The following TGM7 variants were observed in gnomAD, a reference collection of about 807,000 sequenced individuals.
The protein encoded by TGM7 is transglutaminase 7, also known as protein-glutamine gamma-glutamyltransferase Z.
A neutral mutation model predicts 79.5 loss-of-function variants in TGM7; 74 were observed. That is an observed-to-expected ratio of 0.93 (90% CI 0.77 to 1.13). TGM7 has a LOEUF of 1.13. TGM7 is among the 50% of genes most tolerant of loss of function. TGM7 has a pLI of 0.00. For missense variants in TGM7, 912 were observed against 905.9 expected (o/e 1.01, Z -0.09); for synonymous variants, 354 against 362.5 (o/e 0.98, Z 0.27).
Position 43,292,116 on chromosome 15 carries a change from TG to T in TGM7, c.440-20del. On this transcript the variant is annotated intron_variant, in intron 3 of 12. Coordinates refer to ENST00000452443, the MANE Select transcript of TGM7 (RefSeq NM_052955.3). ...TCGTCCTCTGAGCAGTTAAGAGTAGTGGAGGGGGCAAAACCCCAAACCAAAA... is the reference window on the plus strand; with the variant it reads ...TCGTCCTCTGAGCAGTTAAGAGTAGTGAGGGGGCAAAACCCCAAACCAAAA... 6.3e-7 allele frequency: 1 copy of T among 1,579,800 alleles called. No homozygotes were observed.
intron 11 of TGM7, 42 bp downstream of exon 11, chr15:43,279,075 A>T: frequency 1.3e-6 from 2 of 1,580,822 alleles, no homozygotes; most frequent in Non-Finnish European, 8.6e-7. Context: ...GGATTGGGTG[A>T]GTCAGAGAGC....
intron 12 of TGM7, 42 bp downstream of exon 12, chr15:43,276,820 C>G: frequency 6.2e-7 from 1 of 1,604,698 alleles, no homozygotes. Context: ...GCACCCCTTT[C>G]CTGAGACCAG....
chr15:43,291,103 A>G (rs1318760108), intron 4 of TGM7, among the ~76,000 whole-genome samples: 1 of 152,166 alleles, frequency 6.6e-6, no homozygotes. Context: ...ACACTATGTT[A>G]AATAGGAGTG....
At chr15:43,278,258 T>C (rs1411962167) in intron 11 of TGM7, among the ~76,000 whole-genome samples, 3 of 152,112 alleles carry the variant, frequency 2.0e-5, no homozygotes, top group African/African-American at 7.2e-5. Flanking sequence ...GAGGGGCAGG[T>C]GAGAAAACGA....
At chr15:43,296,374 G>A (rs1019775334) in intron 1 of TGM7, among the ~76,000 whole-genome samples, 7 of 144,952 alleles carry the variant, frequency 4.8e-5, no homozygotes, top group Middle Eastern at 3.8e-3. Flanking sequence ...GCAGTGAGCC[G>A]AGGTCACACC....
At position 43,279,412 on chromosome 15, in the gene TGM7, C is replaced by T. The variant is rs1298639989; in HGVS notation, c.1679-135G>A. The T allele has an allele frequency of 2.7e-5, 31 of 1,165,944 alleles. No individual in the cohort carries two copies. In the South Asian group the frequency reaches 4.6e-4, roughly 17 times the overall value. 72.2% of individuals were successfully genotyped at this position (1,165,944 alleles called of 1,614,324 possible). A position where few individuals can be genotyped will look rare whatever the true frequency, so the allele number is the denominator to read the frequency against. On this transcript the variant is annotated intron_variant, in intron 10 of 12. Coordinates refer to ENST00000452443, the MANE Select transcript of TGM7 (RefSeq NM_052955.3). The stretch of plus-strand genomic sequence containing the variant: ...TGTGTGAGAGACAGACAGACAGCGT[C>T]CCACCACGCACACACTGTCCCCAGG...
Position 43,276,629 on chromosome 15 carries a change from C to G in TGM7, c.1974-15G>C. On this transcript the variant is annotated splice_polypyrimidine_tract_variant and intron_variant, in intron 12 of 12. Transcript: ENST00000452443. Reference sequence around the variant, plus strand: ...GAGTCCCAAGGCTGAAAGTCAGAAACAGCCTGTGAGAGCCTCGAGGACTTC... The same window carrying G: ...GAGTCCCAAGGCTGAAAGTCAGAAAGAGCCTGTGAGAGCCTCGAGGACTTC... The G allele has an allele frequency of 6.2e-7, 1 of 1,609,844 alleles. No homozygotes were observed.
intron 1 of TGM7, among the ~76,000 whole-genome samples, chr15:43,297,811 A>G (rs1420986569): frequency 6.6e-6 from 1 of 152,164 alleles, no homozygotes; most frequent in African/African-American, 2.4e-5. Flanking sequence ...TTCTTTGGCC[A>G]CCAAGCATGA....
rs560814158 is a variant in TGM7 at position 43,289,822 on chromosome 15, G to A, written c.559-2153C>T. Among the ~76,000 whole-genome samples, 29 of 152,308 alleles carry A rather than the reference G, an allele frequency of 1.9e-4. No individual in the cohort carries two copies. In the South Asian group the frequency reaches 6.0e-3, roughly 32 times the overall value. ...CATTTCTCTGATGGCCAGTGATGAT[G>A]AGCATTTTTTCATGTGTCTTTTGGC... On this transcript the variant is annotated intron_variant, in intron 4 of 12. Transcript: ENST00000452443.
Position 43,287,438 on chromosome 15 carries a change from T to A in TGM7, c.707A>T (p.Asn236Ile), listed in dbSNP as rs2042941345. The A allele has an allele frequency of 1.2e-6, 2 of 1,614,122 alleles. No homozygotes were observed. Among genetic ancestry groups the A allele is most frequent in the South Asian group, 2.2e-5 (2 of 91,080 alleles). The change falls in exon 6 of 13, where the codon AAT becomes ATT. Residue 236 changes from asparagine to isoleucine, a missense_variant. Physicochemically the swap from Asn to Ile is moderately radical, Grantham distance 149. Transcript: ENST00000452443. ...VSAMINSNDD[N>I]GVLQGNWGED... is the part of the protein sequence containing the mutation. ...GCCCCAGTTCCCCTGCAGCACGCCA[T>A]TGTCATCGTTGCTGTTGATCTGCAG...
chr15:43,283,988 A>C (rs2042922296), intron 7 of TGM7, among the ~76,000 whole-genome samples: 1 of 152,216 alleles, frequency 6.6e-6, no homozygotes, highest in Non-Finnish European at 1.5e-5. Flanking sequence ...CGAGTGGATC[A>C]TCTGAGGTCA....
chr15:43,292,159 T>C, intron 3 of TGM7, 62 bp from the exon 4 acceptor site: 1 of 1,124,854 alleles, frequency 8.9e-7, no homozygotes, highest in Non-Finnish European at 1.3e-6. Context: ...AGTATTAAAT[T>C]AAAAAACAGT....
chr15:43,295,397 C>T (rs993758147), intron 1 of TGM7, among the ~76,000 whole-genome samples: 3 of 152,192 alleles, frequency 2.0e-5, no homozygotes, highest in African/African-American at 7.2e-5. Context: ...TCGAGACCAA[C>T]CTGGCCAACA....
Position 43,279,180 on chromosome 15 carries a change from C to A in TGM7, c.1776G>T (p.Glu592Asp). 1 of 1,614,188 alleles carries A rather than the reference C, an allele frequency of 6.2e-7. No individual in the cohort carries two copies. ...TTAGGACCAGCATGGACCTCCCTGT[C>A]TCTTCAACCTCCGCGATGCCAGACA... The part of the protein sequence containing the change: ...IRVSGIAEVE[E>D]TGRSMLVLKD... Residue 592 changes from glutamate to aspartate, a missense_variant, in exon 11 of 13, where the codon GAG (glutamate) becomes GAT (aspartate). Coordinates refer to ENST00000452443, the MANE Select transcript of TGM7 (RefSeq NM_052955.3).
chr15:43,291,917 G>A, intron 4 of TGM7, 62 bp downstream of exon 4: 1 of 1,191,866 alleles, frequency 8.4e-7, no homozygotes, highest in East Asian at 2.3e-5. Context: ...TTACATAACA[G>A]GGTTGTGTAA....
At chr15:43,295,587 C>CA (rs1415458142) in intron 1 of TGM7, among the ~76,000 whole-genome samples, 27 of 152,018 alleles carry the variant, frequency 1.8e-4, no homozygotes, top group African/African-American at 6.5e-4. Flanking sequence ...AACTCCATCT[C>CA]AAAAAAACAT....
intron 9 of TGM7, among the ~76,000 whole-genome samples, chr15:43,280,836 G>A (rs1274474288): frequency 2.6e-5 from 4 of 152,208 alleles, no homozygotes; most frequent in Admixed American, 2.0e-4. Context: ...CTAGCATGCG[G>A]AATAAGAAAA....
Position 43,284,956 on chromosome 15 carries a change from A to C in TGM7, c.866-4T>G. 6.2e-7 allele frequency: 1 copy of C among 1,614,072 alleles called. No homozygotes were observed. The highest frequency in any genetic ancestry group is 8.5e-7 in the Non-Finnish European group (1 of 1,179,926). On this transcript the variant is annotated splice_polypyrimidine_tract_variant and splice_region_variant and intron_variant, in intron 6 of 12. Coordinates refer to ENST00000452443, the MANE Select transcript of TGM7 (RefSeq NM_052955.3). ...GGAACACCTAAGCATCTCATTACTA[A>C]AGAGAAAAATATAGAGAATCGCTGA...
At chr15:43,281,596 T>C (rs1032643927) in intron 9 of TGM7, among the ~76,000 whole-genome samples, 2 of 152,232 alleles carry the variant, frequency 1.3e-5, no homozygotes, top group South Asian at 2.1e-4. Flanking sequence ...TTGGGACATA[T>C]ATTACACAAA....
Sources: gnomAD v4.1 joint callset for allele counts (sites outside exome capture counted in the v4.1 genomes callset) on GRCh38, gnomAD v4.1.1 for gene constraint, MANE v1.5 for transcripts, NCBI Gene and HGNC (gene_info 2026-07-23, HGNC 2026-07-21) for gene names.